The following MACROD2 variants were observed in gnomAD, a reference collection of about 807,000 sequenced individuals.
MACROD2 encodes ADP-ribose glycohydrolase MACROD2.
Under a neutral mutation model 70.4 loss-of-function variants are expected in MACROD2, and 36 were observed. That is an observed-to-expected ratio of 0.51 (90% CI 0.39 to 0.68). The LOEUF is 0.68. Among genes scored for constraint, MACROD2 ranks in the 30% least tolerant of loss-of-function variants. The pLI is 0.00. For missense variants in MACROD2, 496 were observed against 538.4 expected, an observed-to-expected ratio of 0.92 and a Z score of 0.78; for synonymous variants, 172 against 178.8, an observed-to-expected ratio of 0.96 and a Z score of 0.30.
At chr20:15,050,196 C>T (rs112966520) in intron 5 of MACROD2, among the ~76,000 whole-genome samples, 43 of 152,216 alleles carry the variant, frequency 2.8e-4, no homozygotes, top group African/African-American at 1.0e-3. Context: ...TTTGACTTGC[C>T]ATTTACCACC....
intron 5 of MACROD2, among the ~76,000 whole-genome samples, chr20:15,061,002 T>A (rs943106831): frequency 1.3e-5 from 2 of 152,156 alleles, no homozygotes; most frequent in African/African-American, 4.8e-5. Flanking sequence ...AGGCACCCTG[T>A]ATGGGTGAAA....
Position 14,690,853 on chromosome 20 carries a change from C to T in MACROD2, c.418+5894C>T, listed in dbSNP as rs1600545010. Among the ~76,000 whole-genome samples the T allele has an allele frequency of 2.0e-5, 3 of 152,336 alleles. No individual in the cohort carries two copies. In the East Asian group the frequency reaches 5.8e-4, roughly 29 times the overall value. The stretch of plus-strand genomic sequence containing the variant: ...ACGGCCACAGAACCTGAAGTGTTCA[C>T]TATCCAGCCTCTGTGGAAAAAGTTT... On this transcript the variant is annotated intron_variant, in intron 5 of 17. Transcript: ENST00000684519.
chr20:14,945,114 CTTTT>C (rs903589353), intron 5 of MACROD2, among the ~76,000 whole-genome samples: 8 of 149,058 alleles, frequency 5.4e-5, no homozygotes, highest in African/African-American at 1.5e-4. Flanking sequence ...TTCTTTCTTT[CTTTT>C]TTTTTTCTTT....
chr20:15,693,376 T>G (rs1196681194), intron 8 of MACROD2, among the ~76,000 whole-genome samples: 1 of 152,190 alleles, frequency 6.6e-6, no homozygotes, highest in African/African-American at 2.4e-5. Flanking sequence ...AGGTATGTAG[T>G]AGTATTTTGC....
intron 2 of MACROD2, among the ~76,000 whole-genome samples, chr20:14,082,945 T>C (rs1473807672): frequency 6.6e-6 from 1 of 152,118 alleles, no homozygotes; most frequent in Non-Finnish European, 1.5e-5. Flanking sequence ...GTCCTTGTCA[T>C]TGGGTCAGGT....
At chr20:14,146,332 AC>A (rs1446126096) in intron 3 of MACROD2, among the ~76,000 whole-genome samples, 51 of 152,212 alleles carry the variant, frequency 3.4e-4, no homozygotes, top group Admixed American at 8.5e-4. Context: ...GAAAAAAAAA[AC>A]AAAAAACAAA....
chr20:15,640,753 C>G (rs527704005), intron 8 of MACROD2, among the ~76,000 whole-genome samples: 35 of 152,280 alleles, frequency 2.3e-4, no homozygotes, highest in African/African-American at 8.4e-4. Context: ...TTTCATGAAG[C>G]CTGGGAGCCT....
chr20:14,770,309 A>G (rs1450776016), intron 5 of MACROD2, among the ~76,000 whole-genome samples: 1 of 152,028 alleles, frequency 6.6e-6, no homozygotes, highest in Non-Finnish European at 1.5e-5. Context: ...TGATAGACCC[A>G]TCTTCAAATA....
chr20:14,966,064 T>G (rs1175468301), intron 5 of MACROD2, among the ~76,000 whole-genome samples: 1 of 152,184 alleles, frequency 6.6e-6, no homozygotes, highest in Non-Finnish European at 1.5e-5. Context: ...GAGTATTTAT[T>G]ACTCCTGAAG....
rs570245880 is a variant in MACROD2 at position 14,896,168 on chromosome 20, G to A, written c.418+211209G>A. On this transcript the variant is annotated intron_variant, in intron 5 of 17. Transcript: ENST00000684519. Reference sequence around the variant, plus strand: ...AAATTAGCTGGGCGTGGTGGTGGGCGCCTGTAATACCAGCTACTCAGGAGG... The same window carrying A: ...AAATTAGCTGGGCGTGGTGGTGGGCACCTGTAATACCAGCTACTCAGGAGG... 3.5e-4 allele frequency among the ~76,000 whole-genome samples: 54 copies of A among 152,182 alleles called. 1 individual carries two copies. The South Asian group carries it at 4.8e-3, about 13-fold the overall frequency.
At chr20:15,515,482 A>C (rs2047555249) in intron 8 of MACROD2, among the ~76,000 whole-genome samples, 2 of 152,228 alleles carry the variant, frequency 1.3e-5, no homozygotes, top group South Asian at 4.1e-4. Context: ...CCTTGGCCTT[A>C]GGAAAACTTT....
At chr20:15,094,616 TG>T (rs1312606675) in intron 5 of MACROD2, among the ~76,000 whole-genome samples, 4 of 152,196 alleles carry the variant, frequency 2.6e-5, no homozygotes, top group Non-Finnish European at 5.9e-5. Context: ...TTGGTTTTTT[TG>T]TTTTGTTTTT....
At chr20:14,697,944 A>G (rs927391147) in intron 5 of MACROD2, among the ~76,000 whole-genome samples, 4 of 152,308 alleles carry the variant, frequency 2.6e-5, no homozygotes, top group South Asian at 2.1e-4. Flanking sequence ...GCATCTCACA[A>G]TCTATCTGCT....
At chr20:15,485,014 G>A (rs1012831243) in intron 7 of MACROD2, among the ~76,000 whole-genome samples, 3 of 151,984 alleles carry the variant, frequency 2.0e-5, no homozygotes, top group Non-Finnish European at 4.4e-5. Flanking sequence ...CTTTTAGTTG[G>A]TTTAGCTGTT....
intron 8 of MACROD2, among the ~76,000 whole-genome samples, chr20:15,568,245 G>A (rs1371407183): frequency 1.3e-5 from 2 of 152,154 alleles, no homozygotes; most frequent in Non-Finnish European, 2.9e-5. Flanking sequence ...CATCCTTTGT[G>A]TTTCTTTCCT....
At chr20:14,206,943 C>A (rs942185443) in intron 3 of MACROD2, among the ~76,000 whole-genome samples, 1 of 151,956 alleles carries the variant, frequency 6.6e-6, no homozygotes, top group Non-Finnish European at 1.5e-5. Flanking sequence ...AAGACAACTC[C>A]TAGGTAACTT....
intron 6 of MACROD2, among the ~76,000 whole-genome samples, chr20:15,340,680 C>G (rs1317848836): frequency 6.6e-6 from 1 of 152,060 alleles, no homozygotes; most frequent in Non-Finnish European, 1.5e-5. Flanking sequence ...TGGCTTTTAG[C>G]ACCCTTCCGA....
At chr20:15,589,386 G>T (rs2048647603) in intron 8 of MACROD2, among the ~76,000 whole-genome samples, 1 of 152,010 alleles carries the variant, frequency 6.6e-6, no homozygotes, top group African/African-American at 2.4e-5. Context: ...ACTTTTTAGG[G>T]CACTTTTATT....
chr20:14,465,708 A>G (rs1270508492), intron 3 of MACROD2, among the ~76,000 whole-genome samples: 3 of 151,810 alleles, frequency 2.0e-5, no homozygotes, highest in Non-Finnish European at 2.9e-5. Flanking sequence ...TTCCTTCGGG[A>G]GCTCTTTTAG....
Sources: allele counts gnomAD v4.1 joint callset (sites outside exome capture counted in the v4.1 genomes callset), GRCh38; gene constraint gnomAD v4.1.1; transcripts MANE v1.5; gene names NCBI Gene and HGNC (gene_info 2026-07-23, HGNC 2026-07-21).